The following THRB variants were observed in gnomAD, a reference collection of about 807,000 sequenced individuals.
THRB encodes nuclear receptor subfamily 1 group A member 2.
In THRB, 12 loss-of-function variants were observed where a neutral mutation model predicts 47.8. The ratio of observed to expected loss-of-function variants is 0.25; its 90% CI spans 0.16 to 0.41. THRB has a LOEUF of 0.41. Ranked by LOEUF, THRB falls within the 10% of genes least tolerant of loss-of-function variation. The probability of loss-of-function intolerance (pLI) is 1.00; values close to 1 mark genes in which losing one functional copy is unlikely to be tolerated. For synonymous variants in THRB, 218 were observed against 212.2 expected (o/e 1.03, Z -0.24); for missense variants, 348 against 589.2 (o/e 0.59, Z 4.24).
intron 5 of THRB, chr3:24,164,940 T>C (rs2039433464): frequency 4.8e-6 from 3 of 631,460 alleles, no homozygotes; most frequent in Non-Finnish European, 8.5e-6. Context: ...TTCAAAGATT[T>C]GACGAAGCTG....
At chr3:24,402,927 A>C in intron 1 of THRB, among the ~76,000 whole-genome samples, 1 of 152,084 alleles carries the variant, frequency 6.6e-6, no homozygotes, top group Non-Finnish European at 1.5e-5. Context: ...GACAATATAG[A>C]TAGAACAATT....
chr3:24,460,071 C>T (rs763762343), intron 1 of THRB, among the ~76,000 whole-genome samples: 1 of 152,044 alleles, frequency 6.6e-6, no homozygotes, highest in Non-Finnish European at 1.5e-5. Flanking sequence ...TCTTTGCTTC[C>T]ACTTCCTCTA....
chr3:24,407,522 T>A (rs1030177823), intron 1 of THRB, among the ~76,000 whole-genome samples: 38 of 152,012 alleles, frequency 2.5e-4, no homozygotes, highest in African/African-American at 9.1e-4. Flanking sequence ...TTCAAATCCA[T>A]TTTAATTTGT....
intron 1 of THRB, among the ~76,000 whole-genome samples, chr3:24,364,937 G>A (rs1214093368): frequency 6.6e-6 from 1 of 152,086 alleles, no homozygotes; most frequent in East Asian, 1.9e-4. Flanking sequence ...ACATATCTAT[G>A]TGTAAATACC....
chr3:24,439,298 C>T lies in THRB; in HGVS notation c.-261+55354G>A, dbSNP rs535258872. 3.9e-5 allele frequency among the ~76,000 whole-genome samples: 6 copies of T among 152,262 alleles called. No individual in the cohort carries two copies. In the South Asian group the frequency reaches 1.0e-3, roughly 26 times the overall value. On this transcript the variant is annotated intron_variant, in intron 1 of 10. Coordinates refer to ENST00000646209, the MANE Select transcript of THRB (RefSeq NM_001354712.2). The stretch of plus-strand genomic sequence containing the variant: ...CAGCTGGAGGGCAAGGGGACTAGCC[C>T]TGTTAAGGGGGCCTGGGTGGGGCAC...
chr3:24,162,374 T>C (rs1250089829), intron 5 of THRB, among the ~76,000 whole-genome samples: 1 of 152,174 alleles, frequency 6.6e-6, no homozygotes, highest in Non-Finnish European at 1.5e-5. Flanking sequence ...GGACTTAGCA[T>C]AGCATTTCAC....
In THRB at chr3:24,240,392, T is replaced by TA. The variant is rs2049364317; in HGVS notation, c.-42-11392dup. 2.6e-5 allele frequency among the ~76,000 whole-genome samples: 4 copies of TA among 152,192 alleles called. No individual in the cohort carries two copies. In the South Asian group the frequency reaches 6.2e-4, roughly 24 times the overall value. ...AGGCTGTGACGAAGAATCTAAAAAG[T>TA]AAAAGAACACAGCCCTTATATAATC... On this transcript the variant is annotated intron_variant, in intron 3 of 10. Transcript: ENST00000646209.
intron 3 of THRB, among the ~76,000 whole-genome samples, chr3:24,276,100 A>G (rs826240): frequency 0.88 from 134,226 of 151,938 alleles, 59,712 homozygotes; most frequent in East Asian, 0.96. Context: ...TCTGAGTTAA[A>G]CCATTATCAT....
intron 4 of THRB, among the ~76,000 whole-genome samples, chr3:24,227,992 A>G (rs1168568346): frequency 6.6e-6 from 1 of 152,198 alleles, no homozygotes; most frequent in Non-Finnish European, 1.5e-5. Flanking sequence ...TTATTTGCTA[A>G]CATCTAAAAT....
chr3:24,319,144 T>TA (rs1179697235), intron 2 of THRB, among the ~76,000 whole-genome samples: 1 of 152,220 alleles, frequency 6.6e-6, no homozygotes, highest in Non-Finnish European at 1.5e-5. Flanking sequence ...TGAACTCTCT[T>TA]ACACTGTTGG....
At chr3:24,208,039 C>G (rs1575884797) in intron 4 of THRB, among the ~76,000 whole-genome samples, 1 of 152,142 alleles carries the variant, frequency 6.6e-6, no homozygotes, top group East Asian at 1.9e-4. Flanking sequence ...ACAAGCATTC[C>G]TATACACCAA....
chr3:24,431,665 A>C (rs1215745804), intron 1 of THRB, among the ~76,000 whole-genome samples: 1 of 152,152 alleles, frequency 6.6e-6, no homozygotes, highest in Admixed American at 6.6e-5. Flanking sequence ...AACCAAAGAC[A>C]CATGGAAGGA....
chr3:24,205,697 C>T (rs931862965), intron 4 of THRB, among the ~76,000 whole-genome samples: 2 of 152,160 alleles, frequency 1.3e-5, no homozygotes, highest in Non-Finnish European at 2.9e-5. Context: ...TTAAAAGACA[C>T]AGACTGGCAA....
chr3:24,232,730 G>C lies in THRB; in HGVS notation c.-42-3729C>G, dbSNP rs1208331510. Among the ~76,000 whole-genome samples the C allele has an allele frequency of 2.0e-5, 3 of 152,268 alleles. No individual in the cohort carries two copies. In the South Asian group the frequency reaches 6.2e-4, roughly 32 times the overall value. On this transcript the variant is annotated intron_variant, in intron 3 of 10. Coordinates refer to ENST00000646209, the MANE Select transcript of THRB (RefSeq NM_001354712.2). Reference sequence around the variant, plus strand: ...AAAGCAGACTGGTCAGGCCACGGCAGGTCCAGAATAGAGAAAAAGGTGCTG... The same window carrying C: ...AAAGCAGACTGGTCAGGCCACGGCACGTCCAGAATAGAGAAAAAGGTGCTG...
intron 4 of THRB, among the ~76,000 whole-genome samples, chr3:24,227,732 T>C (rs2150074604): frequency 6.6e-6 from 1 of 152,298 alleles, no homozygotes; most frequent in East Asian, 1.9e-4. Context: ...TGGAGCAATT[T>C]GTCCTACATG....
intron 3 of THRB, among the ~76,000 whole-genome samples, chr3:24,258,539 T>C (rs2051573669): frequency 6.6e-6 from 1 of 152,152 alleles, no homozygotes; most frequent in Non-Finnish European, 1.5e-5. Context: ...TCATCTCACC[T>C]ATGATAGCTT....
chr3:24,140,490 G>A (rs1028204690), intron 8 of THRB, among the ~76,000 whole-genome samples: 3 of 152,090 alleles, frequency 2.0e-5, no homozygotes, highest in South Asian at 2.1e-4. Context: ...CTCTCTTTCT[G>A]TGTGGCCTTT....
intron 1 of THRB, among the ~76,000 whole-genome samples, chr3:24,354,822 G>T (rs2063568369): frequency 6.6e-6 from 1 of 152,080 alleles, no homozygotes; most frequent in South Asian, 2.1e-4. Flanking sequence ...CCTCCAATGA[G>T]GAGCTCACAG....
At chr3:24,436,207 A>T (rs1386825294) in intron 1 of THRB, among the ~76,000 whole-genome samples, 2 of 151,768 alleles carry the variant, frequency 1.3e-5, no homozygotes, top group Non-Finnish European at 2.9e-5. Flanking sequence ...AGATCCAAAG[A>T]GATACTGCCT....
Sources: gnomAD v4.1 joint callset for allele counts (sites outside exome capture counted in the v4.1 genomes callset) on GRCh38, gnomAD v4.1.1 for gene constraint, MANE v1.5 for transcripts, NCBI Gene and HGNC (gene_info 2026-07-23, HGNC 2026-07-21) for gene names.